NR2C1: variants seen among roughly 807,000 people sequenced by gnomAD.
The protein encoded by NR2C1 is TR2 nuclear hormone receptor.
In NR2C1, 33 loss-of-function variants were observed where a neutral mutation model predicts 74.8. The ratio of observed to expected loss-of-function variants is 0.44; its 90% CI spans 0.33 to 0.59. The LOEUF (loss-of-function observed/expected upper bound fraction) is 0.59, where lower values mean the gene tolerates loss of function less well. NR2C1 is among the 20% of genes least tolerant of loss of function. The pLI is 0.02. For synonymous variants in NR2C1, 225 were observed against 240.6 expected (o/e 0.94, Z 0.60); for missense variants, 568 against 715.6 (o/e 0.79, Z 2.35).
intron 1 of NR2C1, among the ~76,000 whole-genome samples, 188 bp from the exon 2 acceptor site, chr12:95,067,579 T>TC (rs1174683780): frequency 6.6e-6 from 1 of 151,900 alleles, no homozygotes; most frequent in Non-Finnish European, 1.5e-5. Context: ...TTTTTTATTT[T>TC]TTTTTTTTTT....
chr12:95,030,696 TA>T, intron 11 of NR2C1: 12 of 1,601,866 alleles, frequency 7.5e-6, no homozygotes, highest in Non-Finnish European at 1.0e-5. Flanking sequence ...TAGAATATGC[TA>T]AAGAACTAAA....
chr12:95,037,116 A>T (rs1419761531), intron 10 of NR2C1, among the ~76,000 whole-genome samples: 1 of 152,216 alleles, frequency 6.6e-6, no homozygotes, highest in Non-Finnish European at 1.5e-5. Flanking sequence ...CTCCTGTGGT[A>T]AACGGTGGTG....
intron 13 of NR2C1, among the ~76,000 whole-genome samples, chr12:95,023,409 C>T (rs1294548238): frequency 6.6e-6 from 1 of 152,126 alleles, no homozygotes; most frequent in Non-Finnish European, 1.5e-5. Flanking sequence ...AATGGCTTAG[C>T]AACTCATTTC....
chr12:95,062,530 T>C lies in NR2C1; in HGVS notation c.263A>G (p.Asp88Gly). 1 of 1,609,980 alleles carries C rather than the reference T, an allele frequency of 6.2e-7. No individual in the cohort carries two copies. Among genetic ancestry groups the C allele is most frequent in the Non-Finnish European group, 8.5e-7 (1 of 1,177,506 alleles). Residue 88 changes from aspartate (D) to glycine (G), a missense_variant, in exon 3 of 14, where the codon GAT becomes GGT. This residue lies in a region of NR2C1 where 128 missense variants were observed against 118.9 expected (regional missense o/e 1.08). Coordinates refer to ENST00000333003, the MANE Select transcript of NR2C1 (RefSeq NM_003297.4). ...TACCTGCAGGTGTTGTGCAGACAGA[T>C]CAGGAGTGGTAAAAAATAACTGGTT... Reference protein sequence around the residue: ...GVNQLFFTTPDLSAQHLQLLT... With the variant: ...GVNQLFFTTPGLSAQHLQLLT...
intron 3 of NR2C1, among the ~76,000 whole-genome samples, chr12:95,060,348 T>C (rs979184759): frequency 1.3e-5 from 2 of 152,250 alleles, no homozygotes; most frequent in South Asian, 2.1e-4. Context: ...AGGAAACTAG[T>C]TTCTTCTTTA....
Position 95,059,986 on chromosome 12 carries a change from T to TAAAAAAAAA in NR2C1, c.286-11_286-3dup, listed in dbSNP as rs79760875. 54 of 1,074,548 alleles carry TAAAAAAAAA rather than the reference T, an allele frequency of 5.0e-5. No individual in the cohort carries two copies. Among genetic ancestry groups the TAAAAAAAAA allele is most frequent in the South Asian group, 2.7e-4 (14 of 52,306 alleles). 66.6% of individuals were successfully genotyped at this position (1,074,548 alleles called of 1,614,324 possible). ...GTCTGGAGAATTATCTGTTAGGAGCTAAAAAAAAAAAAAAAAAAAAAGAAA... is the reference window on the plus strand; with the variant it reads ...GTCTGGAGAATTATCTGTTAGGAGCTAAAAAAAAAAAAAAAAAAAAAAAAAAAAAAGAAA... On this transcript the variant is annotated splice_region_variant and splice_polypyrimidine_tract_variant and intron_variant, in intron 3 of 13. Coordinates refer to ENST00000333003, the MANE Select transcript of NR2C1 (RefSeq NM_003297.4).
rs192407297 is a variant in NR2C1, at chr12:95,044,251, A to G, written c.1132-3654T>C. On this transcript the variant is annotated intron_variant, in intron 9 of 13. Coordinates refer to ENST00000333003, the MANE Select transcript of NR2C1 (RefSeq NM_003297.4). ...CTAGCAGTTTCTGTATTGAAATCTTATAACAGCCTGCGTGATATAGCTTTT... is the reference window on the plus strand; with the variant it reads ...CTAGCAGTTTCTGTATTGAAATCTTGTAACAGCCTGCGTGATATAGCTTTT... Among the ~76,000 whole-genome samples, 12 of 151,948 alleles carry G rather than the reference A, an allele frequency of 7.9e-5. No homozygotes were observed. In the East Asian group the frequency reaches 1.2e-3, roughly 15 times the overall value.
chr12:95,037,588 A>G (rs1371192806), intron 10 of NR2C1, among the ~76,000 whole-genome samples: 1 of 152,174 alleles, frequency 6.6e-6, no homozygotes, highest in African/African-American at 2.4e-5. Context: ...ACCAACTTTT[A>G]TATTTTTAGA....
At chr12:95,071,258 G>T (rs1876554916) in intron 1 of NR2C1, among the ~76,000 whole-genome samples, 1 of 151,886 alleles carries the variant, frequency 6.6e-6, no homozygotes, top group Admixed American at 6.6e-5. Context: ...CTTTCTTGAA[G>T]GGTCGAACAA....
intron 7 of NR2C1, among the ~76,000 whole-genome samples, chr12:95,053,714 T>C (rs1172203038): frequency 4.2e-4 from 59 of 140,664 alleles, no homozygotes; most frequent in African/African-American, 1.4e-3. Context: ...AGACAGAGTC[T>C]TACTCTGTCG....
Position 95,022,380 on chromosome 12 carries a change from AATC to A in NR2C1, c.1658_1660del (p.Arg553_Leu554delinsMet). 6.2e-7 allele frequency: 1 copy of A among 1,612,710 alleles called. No homozygotes were observed. The highest frequency in any genetic ancestry group is 8.5e-7 in the Non-Finnish European group (1 of 1,179,722). ...AGCATTCATCAGTCTTAAAGCTGGC[AATC>A]TGAGTAGTAGTCTGGATAACCTAAA... On this transcript the variant is annotated inframe_deletion, in exon 14 of 14. Transcript: ENST00000333003.
chr12:95,023,972 T>C (rs1310953940), intron 13 of NR2C1, among the ~76,000 whole-genome samples: 2 of 152,184 alleles, frequency 1.3e-5, no homozygotes, highest in African/African-American at 2.4e-5. Context: ...CAGACCAAAT[T>C]AGACCAGCAG....
rs372012476 is a variant in NR2C1 at position 95,069,999 on chromosome 12, G to GGT, written c.-7-2610_-7-2609dup. Reference sequence around the variant, plus strand: ...GATGAGAAAGAAGTAGGTAAGTAATGGTGTAAGTTAAGGCTGCTCTGATAG... The same window carrying GGT: ...GATGAGAAAGAAGTAGGTAAGTAATGGTGTGTAAGTTAAGGCTGCTCTGATAG... On this transcript the variant is annotated intron_variant, in intron 1 of 13. Coordinates refer to ENST00000333003, the MANE Select transcript of NR2C1 (RefSeq NM_003297.4). Among the ~76,000 whole-genome samples, 738 of 152,310 alleles carry GGT rather than the reference G, an allele frequency of 4.8e-3. 3 individuals carry two copies. The highest frequency in any genetic ancestry group is 6.5e-3 in the Non-Finnish European group (439 of 68,036).
At chr12:95,073,043 G>A (rs932259217) in intron 1 of NR2C1, 10 of 152,392 alleles carry the variant, frequency 6.6e-5, no homozygotes, top group Non-Finnish European at 1.0e-4. Context: ...CAGCGCCGCG[G>A]AAGCTTTCCC....
intron 9 of NR2C1, among the ~76,000 whole-genome samples, chr12:95,043,380 AAAC>A (rs1871847813): frequency 6.6e-6 from 1 of 151,960 alleles, no homozygotes; most frequent in East Asian, 1.9e-4. Context: ...GTAAGATGCA[AAAC>A]AACAACAAAA....
chr12:95,061,704 A>G (rs1253406305), intron 3 of NR2C1, among the ~76,000 whole-genome samples: 5 of 152,222 alleles, frequency 3.3e-5, no homozygotes, highest in Non-Finnish European at 7.3e-5. Flanking sequence ...TTTTCATCAT[A>G]AAAGATAGAA....
At chr12:95,028,778 T>C (rs1207832075) in intron 11 of NR2C1, among the ~76,000 whole-genome samples, 2 of 151,898 alleles carry the variant, frequency 1.3e-5, no homozygotes, top group Non-Finnish European at 2.9e-5. Flanking sequence ...TAGAGGCGCA[T>C]GCCACCGCGC....
rs761848236 is a variant in NR2C1, at chr12:95,049,216, G to C, written c.983C>G (p.Ala328Gly). 4 of 1,613,870 alleles carry C rather than the reference G, an allele frequency of 2.5e-6. No homozygotes were observed. The East Asian group carries it at 6.7e-5, about 27-fold the overall frequency. ...GCTCTCTCCAGGATTCAATGCTTTT[G>C]CAAGAGTGTCAAATGCCCTGTATGA... ...GDVSRAFDTL[A>G]KALNPGESTA... Residue 328 changes from alanine to glycine, a missense_variant, in exon 9 of 14, where the codon GCA becomes GGA. This residue lies in a region of NR2C1 where 239 missense variants were observed against 232.3 expected (regional missense o/e 1.03). Coordinates refer to ENST00000333003, the MANE Select transcript of NR2C1 (RefSeq NM_003297.4).
chr12:95,061,820 C>T (rs1874825529), intron 3 of NR2C1, among the ~76,000 whole-genome samples: 1 of 152,194 alleles, frequency 6.6e-6, no homozygotes, highest in Admixed American at 6.5e-5. Context: ...ATCGACATAA[C>T]CACAGGCATG....
Sources: gnomAD v4.1 joint callset for allele counts (sites outside exome capture counted in the v4.1 genomes callset) on GRCh38, gnomAD v4.1.1 for gene constraint, gnomAD v4.1.1 regional missense constraint, MANE v1.5 for transcripts, NCBI Gene and HGNC (gene_info 2026-07-23, HGNC 2026-07-21) for gene names.